The following JAZF1 variants were observed in gnomAD, a reference collection of about 807,000 sequenced individuals.
JAZF1 encodes juxtaposed with another zinc finger protein 1.
JAZF1 carries 8 observed loss-of-function variants against 26.4 expected under a neutral mutation model. The observed-to-expected ratio is 0.30, with a 90% CI of 0.18 to 0.55. The LOEUF (loss-of-function observed/expected upper bound fraction) is 0.55, where lower values mean the gene tolerates loss of function less well. Among genes scored for constraint, JAZF1 ranks in the 20% least tolerant of loss-of-function variants. JAZF1 has a pLI of 0.94. For synonymous variants in JAZF1, 126 were observed against 122.3 expected (o/e 1.03, Z -0.20); for missense variants, 199 against 322.0 (o/e 0.62, Z 2.92).
At chr7:27,999,749 A>G (rs1005972382) in intron 1 of JAZF1, among the ~76,000 whole-genome samples, 1 of 152,220 alleles carries the variant, frequency 6.6e-6, no homozygotes, top group African/African-American at 2.4e-5. Context: ...TGATGAATAC[A>G]TGAATGAATG....
At chr7:28,068,474 G>T (rs889578978) in intron 1 of JAZF1, among the ~76,000 whole-genome samples, 1 of 152,024 alleles carries the variant, frequency 6.6e-6, no homozygotes, top group Non-Finnish European at 1.5e-5. Context: ...CCTAAACTGT[G>T]CAAAGGCAAA....
intron 3 of JAZF1, among the ~76,000 whole-genome samples, chr7:27,845,815 T>C (rs1783019634): frequency 6.6e-6 from 1 of 151,910 alleles, no homozygotes; most frequent in African/African-American, 2.4e-5. Flanking sequence ...CTTCTCCAGG[T>C]CTACCTCATG....
chr7:28,168,380 C>CAAAAAAAA (rs11301939), intron 1 of JAZF1, among the ~76,000 whole-genome samples: 1 of 71,142 alleles, frequency 1.4e-5, no homozygotes. Flanking sequence ...GACTCCGTCT[C>CAAAAAAAA]AAAAAAAAAA....
intron 2 of JAZF1, among the ~76,000 whole-genome samples, chr7:27,951,768 T>C (rs1785011967): frequency 6.6e-6 from 1 of 152,138 alleles, no homozygotes; most frequent in African/African-American, 2.4e-5. Flanking sequence ...ATCTCCTAGT[T>C]TTAGAATCAA....
At chr7:28,137,608 C>A (rs1782904222) in intron 1 of JAZF1, among the ~76,000 whole-genome samples, 1 of 152,162 alleles carries the variant, frequency 6.6e-6, no homozygotes, top group Non-Finnish European at 1.5e-5. Flanking sequence ...ATGAACTGTG[C>A]ATAATTCCTC....
chr7:27,980,803 A>T (rs1785568743), intron 2 of JAZF1, among the ~76,000 whole-genome samples: 1 of 150,208 alleles, frequency 6.7e-6, no homozygotes, highest in Admixed American at 6.6e-5. Flanking sequence ...CTTTCACATG[A>T]CTTAACCCTT....
intron 1 of JAZF1, among the ~76,000 whole-genome samples, chr7:28,088,831 T>C (rs926116934): frequency 6.6e-6 from 1 of 152,236 alleles, no homozygotes; most frequent in Admixed American, 6.5e-5. Flanking sequence ...TCTGTGAGTT[T>C]ACATAATCTC....
intron 4 of JAZF1, among the ~76,000 whole-genome samples, chr7:27,835,435 A>G (rs946158735): frequency 6.6e-6 from 1 of 152,222 alleles, no homozygotes; most frequent in African/African-American, 2.4e-5. Flanking sequence ...TCACAGCTTG[A>G]ATGTAAACAT....
At chr7:28,088,622 T>C (rs1215173694) in intron 1 of JAZF1, among the ~76,000 whole-genome samples, 1 of 152,210 alleles carries the variant, frequency 6.6e-6, no homozygotes. Flanking sequence ...CTCCTTTTCC[T>C]TCTACTTCCA....
At chr7:27,965,066 T>C (rs564393032) in intron 2 of JAZF1, among the ~76,000 whole-genome samples, 1 of 152,214 alleles carries the variant, frequency 6.6e-6, no homozygotes, top group Non-Finnish European at 1.5e-5. Context: ...GTTTCATTTA[T>C]AGATACTGAC....
At chr7:28,087,945 T>C (rs888830806) in intron 1 of JAZF1, among the ~76,000 whole-genome samples, 1 of 152,206 alleles carries the variant, frequency 6.6e-6, no homozygotes, top group Non-Finnish European at 1.5e-5. Context: ...ATACAGGAGA[T>C]AAAGAGAAGG....
chr7:28,129,038 T>C (rs897439940), intron 1 of JAZF1, among the ~76,000 whole-genome samples: 1 of 152,076 alleles, frequency 6.6e-6, no homozygotes, highest in Non-Finnish European at 1.5e-5. Flanking sequence ...TTCTCTGTTT[T>C]TATGCAAGAC....
rs1039303043 is a variant in JAZF1 at position 27,961,382 on chromosome 7, G to A, written c.188+30527C>T. On this transcript the variant is annotated intron_variant, in intron 2 of 4. Coordinates refer to ENST00000283928, the MANE Select transcript of JAZF1 (RefSeq NM_175061.4). The stretch of plus-strand genomic sequence containing the variant: ...ATAATATATGATGTGTATATGAAAC[G>A]TAATTGCCTGAGGCAGGATTCTCAA... Among the ~76,000 whole-genome samples, 7 of 152,170 alleles carry A rather than the reference G, an allele frequency of 4.6e-5. No individual in the cohort carries two copies. In the East Asian group the frequency reaches 5.8e-4, roughly 13 times the overall value.
intron 1 of JAZF1, among the ~76,000 whole-genome samples, chr7:28,091,485 C>T (rs1297360833): frequency 6.6e-6 from 1 of 151,488 alleles, no homozygotes; most frequent in Admixed American, 6.6e-5. Flanking sequence ...CCCATTAAAT[C>T]CACTTTTTGA....
intron 1 of JAZF1, among the ~76,000 whole-genome samples, chr7:28,146,654 C>T (rs1775942721): frequency 6.6e-6 from 1 of 152,088 alleles, no homozygotes; most frequent in African/African-American, 2.4e-5. Flanking sequence ...ACAATTGTCT[C>T]CCTATTCCAA....
chr7:28,103,060 A>G (rs1784498848), intron 1 of JAZF1, among the ~76,000 whole-genome samples: 2 of 152,120 alleles, frequency 1.3e-5, no homozygotes, highest in Non-Finnish European at 2.9e-5. Flanking sequence ...CCCAGTGGCA[A>G]CACTTGCTAG....
chr7:28,026,365 A>T (rs1039007302), intron 1 of JAZF1, among the ~76,000 whole-genome samples: 7 of 152,194 alleles, frequency 4.6e-5, no homozygotes, highest in African/African-American at 1.4e-4. Context: ...TTCTCAAAAG[A>T]GGACTAAAAG....
intron 1 of JAZF1, among the ~76,000 whole-genome samples, chr7:28,050,517 A>AT (rs1783594754): frequency 6.6e-6 from 1 of 152,198 alleles, no homozygotes; most frequent in African/African-American, 2.4e-5. Flanking sequence ...CAACAGTTAT[A>AT]AAGAATAGTA....
intron 1 of JAZF1, among the ~76,000 whole-genome samples, chr7:28,071,046 T>C (rs1030920355): frequency 2.0e-5 from 3 of 151,914 alleles, no homozygotes; most frequent in African/African-American, 7.3e-5. Context: ...GGTTACCGGG[T>C]GAAGGTAAGA....
Sources: allele counts gnomAD v4.1 joint callset (sites outside exome capture counted in the v4.1 genomes callset), GRCh38; gene constraint gnomAD v4.1.1; transcripts MANE v1.5; gene names NCBI Gene and HGNC (gene_info 2026-07-23, HGNC 2026-07-21).